SCG3: variants seen among roughly 807,000 people sequenced by gnomAD.
The protein encoded by SCG3 is secretogranin-3.
Under a neutral mutation model 56.2 loss-of-function variants are expected in SCG3, and 38 were observed. The ratio of observed to expected loss-of-function variants is 0.68; its 90% CI spans 0.52 to 0.89. The LOEUF is 0.89. Among genes scored for constraint, SCG3 ranks in the 40% least tolerant of loss-of-function variants. The pLI is 0.00. For synonymous variants in SCG3, 176 were observed against 184.2 expected (o/e 0.96, Z 0.36); for missense variants, 524 against 540.7 (o/e 0.97, Z 0.31).
At chr15:51,699,524 C>T (rs962061779) in intron 9 of SCG3, 122 bp downstream of exon 9, 7 of 728,828 alleles carry the variant, frequency 9.6e-6, no homozygotes, top group African/African-American at 3.7e-5. Context: ...AAATCTGAAA[C>T]GCAGCCATAG....
intron 1 of SCG3, among the ~76,000 whole-genome samples, chr15:51,682,101 C>A (rs2055198553): frequency 6.6e-6 from 1 of 152,066 alleles, no homozygotes; most frequent in Admixed American, 6.5e-5. Flanking sequence ...CCTAAAGTGG[C>A]TTGGATTGTT....
At chr15:51,716,721 A>G (rs2055458560) in intron 11 of SCG3, among the ~76,000 whole-genome samples, 1 of 152,228 alleles carries the variant, frequency 6.6e-6, no homozygotes, top group South Asian at 2.1e-4. Context: ...GCAAGCAATC[A>G]ATTCTGCAGC....
At chr15:51,704,240 C>CATATAT (rs1314214604) in intron 10 of SCG3, among the ~76,000 whole-genome samples, 1,345 of 58,382 alleles carry the variant, frequency 0.023, 19 homozygotes, top group Non-Finnish European at 0.033. Flanking sequence ...TACATACATA[C>CATATAT]ATACATATAT....
At chr15:51,694,874 T>C (rs1287435204) in intron 7 of SCG3, among the ~76,000 whole-genome samples, 1 of 151,868 alleles carries the variant, frequency 6.6e-6, no homozygotes, top group African/African-American at 2.4e-5. Flanking sequence ...CTACTAAAAA[T>C]ACAAAAATTA....
In SCG3 at chr15:51,688,276, T is replaced by C; in HGVS notation, c.414T>C (p.Leu138=). Residue 138 remains leucine, a synonymous_variant, in exon 5 of 12, where the codon CTT becomes CTC. Transcript: ENST00000220478. Reference sequence around the variant, plus strand: ...TCTGTCTAGATGATCCAGATGGTCTTCATCAACTAGACGGGACTCCTTTAA... The same window carrying C: ...TCTGTCTAGATGATCCAGATGGTCTCCATCAACTAGACGGGACTCCTTTAA... ...DHKFQDDPDG[L]HQLDGTPLTA... 1 of 1,613,720 alleles carries C rather than the reference T, an allele frequency of 6.2e-7. No homozygotes were observed. The highest frequency in any genetic ancestry group is 2.2e-5 in the East Asian group (1 of 44,874).
intron 8 of SCG3, among the ~76,000 whole-genome samples, chr15:51,697,500 G>A (rs1236830507): frequency 6.6e-6 from 1 of 152,140 alleles, no homozygotes; most frequent in African/African-American, 2.4e-5. Flanking sequence ...GTTGCACTAG[G>A]CACATTTCAA....
At chr15:51,696,024 T>C (rs778277247) in intron 8 of SCG3, 33 bp downstream of exon 8, 1 of 1,229,518 alleles carries the variant, frequency 8.1e-7, no homozygotes, top group Non-Finnish European at 1.2e-6. Context: ...TCTACTGTGG[T>C]GGTTTTCATT....
chr15:51,689,398 G>T (rs1555457348), intron 6 of SCG3, 30 bp downstream of exon 6: 7 of 903,798 alleles, frequency 7.7e-6, no homozygotes, highest in South Asian at 1.7e-5. Context: ...CATATGCATG[G>T]GGGTGTGTGT....
intron 4 of SCG3, among the ~76,000 whole-genome samples, chr15:51,684,318 A>C (rs1034175025): frequency 6.6e-6 from 1 of 152,040 alleles, no homozygotes; most frequent in South Asian, 2.1e-4. Flanking sequence ...CCTCTCCCCA[A>C]CTCATTCTTC....
chr15:51,690,446 T>G (rs1311307052), intron 6 of SCG3, among the ~76,000 whole-genome samples: 1 of 152,124 alleles, frequency 6.6e-6, no homozygotes, highest in Non-Finnish European at 1.5e-5. Flanking sequence ...CTCCAGCATC[T>G]TATCTCAAAT....
At position 51,696,002 on chromosome 15, in the gene SCG3, A is replaced by G; in HGVS notation, c.985+11A>G. 2.0e-6 allele frequency: 3 copies of G among 1,465,906 alleles called. No homozygotes were observed. The highest frequency in any genetic ancestry group is 2.9e-6 in the Non-Finnish European group (3 of 1,046,510). 90.8% of individuals were successfully genotyped at this position (1,465,906 alleles called of 1,614,324 possible). ...GTGTTTCCTACCTTGGTGAGATTCT[A>G]TGTGTTTTGTTTCTACTGTGGTGGT... On this transcript the variant is annotated intron_variant, in intron 8 of 11. Coordinates refer to ENST00000220478, the MANE Select transcript of SCG3 (RefSeq NM_013243.4).
In SCG3 at chr15:51,683,240, A is replaced by G; in HGVS notation, c.203A>G (p.Asn68Ser). 6.2e-7 allele frequency: 1 copy of G among 1,613,630 alleles called. No individual in the cohort carries two copies. The highest frequency in any genetic ancestry group is 8.5e-7 in the Non-Finnish European group (1 of 1,179,796). Residue 68 changes from asparagine to serine, a missense_variant, in exon 4 of 12, where the codon AAC becomes AGC. Physicochemically the swap from Asn to Ser is conservative, Grantham distance 46. Transcript: ENST00000220478. ...CCAGAAAACAAGCCAGGTCAGAGCAACTATTCTTTTGTTGATAACTTGAAC... is the reference window on the plus strand; with the variant it reads ...CCAGAAAACAAGCCAGGTCAGAGCAGCTATTCTTTTGTTGATAACTTGAAC... ...YPPENKPGQS[N>S]YSFVDNLNLL...
intron 10 of SCG3, among the ~76,000 whole-genome samples, chr15:51,709,402 G>A (rs1297672334): frequency 2.0e-5 from 3 of 151,978 alleles, no homozygotes; most frequent in South Asian, 2.1e-4. Context: ...TAGCTATGTC[G>A]CCTTGGGCAT....
At chr15:51,719,340 T>C (rs2055480415) in intron 11 of SCG3, 68 bp from the exon 12 acceptor site, 3 of 1,020,068 alleles carry the variant, frequency 2.9e-6, no homozygotes, top group Non-Finnish European at 4.6e-6. Flanking sequence ...TCTCAGTTAA[T>C]GGTAATCACT....
chr15:51,682,105 G>T (rs1019349780), intron 1 of SCG3, among the ~76,000 whole-genome samples: 16 of 152,034 alleles, frequency 1.1e-4, no homozygotes, highest in African/African-American at 3.6e-4. Context: ...AAGTGGCTTG[G>T]ATTGTTTTCT....
At chr15:51,704,764 C>T (rs868292916) in intron 10 of SCG3, among the ~76,000 whole-genome samples, 16 of 67,010 alleles carry the variant, frequency 2.4e-4, no homozygotes, top group South Asian at 1.3e-3. Context: ...GTGAGTAATA[C>T]ATATATATAT....
intron 10 of SCG3, among the ~76,000 whole-genome samples, chr15:51,710,477 G>C (rs2055413613): frequency 6.6e-6 from 1 of 152,178 alleles, no homozygotes; most frequent in Non-Finnish European, 1.5e-5. Context: ...TGTTGATATA[G>C]TGAATAAAAT....
chr15:51,682,709 G>A (rs1457914941), intron 2 of SCG3, 140 bp downstream of exon 2: 1 of 592,654 alleles, frequency 1.7e-6, no homozygotes, highest in Non-Finnish European at 2.9e-6. Flanking sequence ...AAATTAGGAC[G>A]GGAAATCTAG....
intron 10 of SCG3, among the ~76,000 whole-genome samples, chr15:51,711,321 G>A (rs2055419264): frequency 6.6e-6 from 1 of 152,154 alleles, no homozygotes; most frequent in South Asian, 2.1e-4. Context: ...ACTAAGCTGT[G>A]GTTTTCCTTA....
Sources: gnomAD v4.1 joint callset for allele counts (sites outside exome capture counted in the v4.1 genomes callset) on GRCh38, gnomAD v4.1.1 for gene constraint, MANE v1.5 for transcripts, NCBI Gene and HGNC (gene_info 2026-07-23, HGNC 2026-07-21) for gene names.